CAPS2: variants seen among roughly 807,000 people sequenced by gnomAD.
CAPS2 encodes the protein calcyphosine 2, also known as calcyphosin-2.
Under a neutral mutation model 86.5 loss-of-function variants are expected in CAPS2, and 98 were observed. The ratio of observed to expected loss-of-function variants is 1.13; its 90% CI spans 0.96 to 1.34. The LOEUF (loss-of-function observed/expected upper bound fraction) is 1.34. Among genes scored for constraint, CAPS2 ranks in the 40% most tolerant of loss-of-function variants. The pLI is 0.00. For missense variants in CAPS2, 729 were observed against 686.8 expected, an observed-to-expected ratio of 1.06 and a Z score of -0.69; for synonymous variants, 210 against 225.1, an observed-to-expected ratio of 0.93 and a Z score of 0.60.
At chr12:75,335,209 T>C (rs2041643021) in intron 1 of CAPS2, among the ~76,000 whole-genome samples, 1 of 152,124 alleles carries the variant, frequency 6.6e-6, no homozygotes, top group South Asian at 2.1e-4. Flanking sequence ...TTGTTTTCTT[T>C]CTTCCATTTT....
At chr12:75,291,480 CATATATAT>C (rs556770226) in intron 13 of CAPS2, among the ~76,000 whole-genome samples, 1,192 of 18,610 alleles carry the variant, frequency 0.064, 44 homozygotes, top group Middle Eastern at 0.2. Flanking sequence ...ACAATAAAAG[CATATATAT>C]ATATATATAT....
intron 1 of CAPS2, chr12:75,367,131 A>C (rs930537633): frequency 1.5e-6 from 1 of 655,316 alleles, no homozygotes; most frequent in Non-Finnish European, 2.8e-6. Context: ...TTTAGAATAC[A>C]CCTCCAAAGT....
At chr12:75,304,594 C>T (rs1162996752) in intron 8 of CAPS2, among the ~76,000 whole-genome samples, 163 bp downstream of exon 8, 2 of 152,070 alleles carry the variant, frequency 1.3e-5, no homozygotes, top group African/African-American at 4.8e-5. Context: ...CCCCTAATAT[C>T]ATGAAGTAGC....
intron 14 of CAPS2, 102 bp downstream of exon 14, chr12:75,289,519 G>A: frequency 2.9e-6 from 3 of 1,051,876 alleles, no homozygotes; most frequent in South Asian, 3.3e-5. Flanking sequence ...AGGGCATAGA[G>A]AAGGAGAAAA....
At chr12:75,372,839 C>A (rs1248913409) in intron 1 of CAPS2, among the ~76,000 whole-genome samples, 1 of 152,182 alleles carries the variant, frequency 6.6e-6, no homozygotes, top group Non-Finnish European at 1.5e-5. Flanking sequence ...CTTCTTTAGC[C>A]ACAAAGTGAG....
chr12:75,323,670 G>A (rs1333724737), intron 2 of CAPS2, among the ~76,000 whole-genome samples: 14 of 152,176 alleles, frequency 9.2e-5, no homozygotes, highest in Admixed American at 6.5e-4. Flanking sequence ...TTGAACCTAG[G>A]AGGCAGAGGT....
At chr12:75,330,279 G>A (rs1267585497), upstream of CAPS2, among the ~76,000 whole-genome samples, 2 of 152,124 alleles carry the variant, frequency 1.3e-5, no homozygotes, top group Admixed American at 1.3e-4. Flanking sequence ...AAACCCAAAG[G>A]GGTGAAACCT....
chr12:75,331,370 G>T (rs545899449), upstream of CAPS2, among the ~76,000 whole-genome samples: 1 of 152,142 alleles, frequency 6.6e-6, no homozygotes, highest in African/African-American at 2.4e-5. Flanking sequence ...GTATTTCCTG[G>T]TGCAAATTTG....
chr12:75,329,979 T>C (rs77033176), upstream of CAPS2: 526 of 900,582 alleles, frequency 5.8e-4, 4 homozygotes, highest in East Asian at 0.012. Context: ...GGAAAAGGTA[T>C]AAACTAGCGC....
chr12:75,325,231 T>C lies in CAPS2; in HGVS notation c.131+8A>G, dbSNP rs1301924577. ...TAAACAGTCCAAATGTGAAGAAACG[T>C]AACTTACACTGGTGGGCAAGAATTC... On this transcript the variant is annotated splice_region_variant and intron_variant, in intron 2 of 16. Transcript: ENST00000393284. 1.9e-6 allele frequency: 3 copies of C among 1,548,604 alleles called. No individual in the cohort carries two copies. The African/African-American group carries it at 4.1e-5, about 21-fold the overall frequency.
intron 8 of CAPS2, 23 bp from the exon 9 acceptor site, chr12:75,299,934 A>G: frequency 9.0e-7 from 1 of 1,106,392 alleles, no homozygotes; most frequent in Non-Finnish European, 1.3e-6. Flanking sequence ...ACATTTTGTC[A>G]GTAATTTTTC....
chr12:75,321,473 CTA>C lies in CAPS2; in HGVS notation c.393_394del (p.Tyr131Ter), dbSNP rs562235427. The stretch of plus-strand genomic sequence containing the variant: ...TTTTGTATTTTCTGCATTTCTCTGA[CTA>C]TACTGCTTATAGCCCTCTTTAATTT... On this transcript the variant is annotated stop_gained and frameshift_variant, in exon 5 of 17. Transcript: ENST00000393284. LOFTEE classifies it high-confidence loss of function. 3.7e-4 allele frequency: 567 copies of C among 1,546,854 alleles called. 3 individuals are homozygous for C. The East Asian group carries it at 6.8e-3, about 19-fold the overall frequency.
At chr12:75,371,677 T>C (rs2044368242) in intron 1 of CAPS2, among the ~76,000 whole-genome samples, 1 of 152,228 alleles carries the variant, frequency 6.6e-6, no homozygotes, top group African/African-American at 2.4e-5. Context: ...TACATAAAGT[T>C]AAGAACACTT....
intron 15 of CAPS2, 23 bp from the exon 16 acceptor site, chr12:75,282,370 T>A (rs1159168034): frequency 1.4e-6 from 2 of 1,444,450 alleles, no homozygotes; most frequent in African/African-American, 2.8e-5. Context: ...ATATTATTAT[T>A]ATTAGTTTGT....
chr12:75,304,601 T>A (rs1368521846), intron 8 of CAPS2, among the ~76,000 whole-genome samples, 156 bp downstream of exon 8: 3 of 152,184 alleles, frequency 2.0e-5, no homozygotes, highest in African/African-American at 7.2e-5. Context: ...TATCATGAAG[T>A]AGCAGAACTG....
intron 1 of CAPS2, among the ~76,000 whole-genome samples, chr12:75,365,958 A>G (rs1165277372): frequency 1.3e-5 from 2 of 152,182 alleles, no homozygotes; most frequent in Non-Finnish European, 2.9e-5. Flanking sequence ...ACCCTTATGC[A>G]AAATTTTGAC....
chr12:75,319,345 G>A (rs1565896144), intron 5 of CAPS2, among the ~76,000 whole-genome samples: 1 of 152,096 alleles, frequency 6.6e-6, no homozygotes, highest in African/African-American at 2.4e-5. Flanking sequence ...AGGCGAGTGA[G>A]TTTTCATTCT....
chr12:75,276,809 C>A, downstream of CAPS2: 1 of 908,198 alleles, frequency 1.1e-6, no homozygotes, highest in Non-Finnish European at 1.3e-6. Flanking sequence ...ATATACATAA[C>A]TATAAAATTC....
In CAPS2 at chr12:75,304,862, T is replaced by A. The variant is rs1401586365; in HGVS notation, c.674A>T (p.Asp225Val). Residue 225 changes from aspartate to valine, a missense_variant, in exon 8 of 17, where the codon GAT (aspartate) becomes GTT (valine). By Grantham distance (152) the Asp-to-Val change is radical (BLOSUM62 -3). Transcript: ENST00000393284. ...CTCAATGGCTAAATTTTGCTCTGGA[T>A]CACTGATGACAGCCCTATACAGGAA... The A allele has an allele frequency of 1.2e-6, 2 of 1,611,778 alleles. No homozygotes were observed. Among genetic ancestry groups the A allele is most frequent in the Admixed American group, 3.3e-5 (2 of 59,920 alleles).
Sources: allele counts gnomAD v4.1 joint callset (sites outside exome capture counted in the v4.1 genomes callset), GRCh38; gene constraint gnomAD v4.1.1; transcripts MANE v1.5; gene names NCBI Gene and HGNC (gene_info 2026-07-23, HGNC 2026-07-21).